The following EPHA6 variants were observed in gnomAD, a reference collection of about 807,000 sequenced individuals.
EPHA6 encodes the protein ephrin type-A receptor 6.
In EPHA6, 50 loss-of-function variants were observed where a neutral mutation model predicts 112.0. That is an observed-to-expected ratio of 0.45 (90% CI 0.36 to 0.56). The LOEUF is 0.56. Among genes scored for constraint, EPHA6 ranks in the 20% least tolerant of loss-of-function variants. The probability of loss-of-function intolerance (pLI) is 0.00; values close to 1 mark genes in which losing one functional copy is unlikely to be tolerated. For missense variants in EPHA6, 1,280 were observed against 1,417.4 expected (o/e 0.90, Z 1.56); for synonymous variants, 529 against 490.7 (o/e 1.08, Z -1.03).
intron 6 of EPHA6, among the ~76,000 whole-genome samples, chr3:97,440,551 T>C (rs907487515): frequency 2.0e-5 from 3 of 150,844 alleles, no homozygotes; most frequent in Non-Finnish European, 3.0e-5. Flanking sequence ...TCAGAGAAAT[T>C]AAAAAAAACC....
intron 3 of EPHA6, among the ~76,000 whole-genome samples, chr3:97,112,632 C>G (rs2047757564): frequency 2.7e-5 from 4 of 149,654 alleles, no homozygotes; most frequent in African/African-American, 9.8e-5. Flanking sequence ...TGAAATGATA[C>G]ACTATGAGTG....
At chr3:97,307,646 GAGT>G in intron 5 of EPHA6, among the ~76,000 whole-genome samples, 1 of 149,452 alleles carries the variant, frequency 6.7e-6, no homozygotes, top group Non-Finnish European at 1.5e-5. Flanking sequence ...TCTACTCTTA[GAGT>G]CAGATTTATG....
At chr3:97,184,200 C>G (rs753248950) in intron 3 of EPHA6, among the ~76,000 whole-genome samples, 2 of 152,034 alleles carry the variant, frequency 1.3e-5, no homozygotes, top group South Asian at 2.1e-4. Flanking sequence ...GCAATGACAA[C>G]TAATACAAGG....
intron 7 of EPHA6, among the ~76,000 whole-genome samples, chr3:97,457,529 A>G (rs373136157): frequency 6.6e-6 from 1 of 152,192 alleles, no homozygotes. Flanking sequence ...AAATATATGA[A>G]TATTAAATAT....
At chr3:97,725,781 A>C (rs2034738834) in intron 15 of EPHA6, among the ~76,000 whole-genome samples, 1 of 152,056 alleles carries the variant, frequency 6.6e-6, no homozygotes, top group Non-Finnish European at 1.5e-5. Flanking sequence ...GACAACCAAA[A>C]ATATCCCAGA....
chr3:97,567,072 T>C (rs1283189280), intron 11 of EPHA6, among the ~76,000 whole-genome samples: 1 of 152,196 alleles, frequency 6.6e-6, no homozygotes, highest in Non-Finnish European at 1.5e-5. Flanking sequence ...AGATGTCTAG[T>C]ATTTTCGGTT....
intron 5 of EPHA6, among the ~76,000 whole-genome samples, chr3:97,287,007 A>T (rs1372537122): frequency 6.6e-6 from 1 of 152,034 alleles, no homozygotes; most frequent in Admixed American, 6.6e-5. Context: ...CTGTTAAAAA[A>T]AAAAAAGGAT....
At position 96,851,232 on chromosome 3, in the gene EPHA6, T is replaced by C. The variant is rs2035365284; in HGVS notation, c.386-15593T>C. On this transcript the variant is annotated intron_variant, in intron 1 of 17. Coordinates refer to ENST00000389672, the MANE Select transcript of EPHA6 (RefSeq NM_001080448.3). ...CTATTCCTCATCTTTAAAAGAAGGT[T>C]ATTTTATATTATTCAGAAAGTAACA... 1.3e-5 allele frequency among the ~76,000 whole-genome samples: 2 copies of C among 152,158 alleles called. 1 individual carries two copies. Among genetic ancestry groups the C allele is most frequent in the South Asian group, 4.1e-4 (2 of 4,832 alleles).
chr3:97,642,976 A>G (rs1229387260), intron 14 of EPHA6, among the ~76,000 whole-genome samples: 3 of 150,842 alleles, frequency 2.0e-5, no homozygotes, highest in African/African-American at 7.3e-5. Flanking sequence ...AGCAACCCCA[A>G]GACACATAAT....
At chr3:97,581,126 AC>A (rs771417329) in intron 11 of EPHA6, among the ~76,000 whole-genome samples, 7 of 152,186 alleles carry the variant, frequency 4.6e-5, no homozygotes, top group Admixed American at 6.5e-5. Context: ...TCTCTTAAAT[AC>A]ATAAATGAGA....
chr3:97,424,374 A>G (rs2088925418), intron 6 of EPHA6, among the ~76,000 whole-genome samples: 1 of 152,162 alleles, frequency 6.6e-6, no homozygotes, highest in Non-Finnish European at 1.5e-5. Context: ...TCCACACATA[A>G]CAAAATCAAT....
At chr3:97,534,287 C>A (rs529344260) in intron 11 of EPHA6, among the ~76,000 whole-genome samples, 1 of 151,960 alleles carries the variant, frequency 6.6e-6, no homozygotes, top group Non-Finnish European at 1.5e-5. Flanking sequence ...TATACGTATA[C>A]GTTACCATTT....
chr3:97,401,373 T>C (rs955449550), intron 5 of EPHA6, among the ~76,000 whole-genome samples: 1 of 151,814 alleles, frequency 6.6e-6, no homozygotes, highest in African/African-American at 2.4e-5. Context: ...ATGGGTCTGT[T>C]CATATTTTCT....
intron 14 of EPHA6, among the ~76,000 whole-genome samples, chr3:97,698,265 C>T (rs967667479): frequency 2.6e-5 from 4 of 152,168 alleles, no homozygotes; most frequent in African/African-American, 9.7e-5. Flanking sequence ...TCCCAAAGTG[C>T]TGGGATTACA....
intron 3 of EPHA6, among the ~76,000 whole-genome samples, chr3:97,037,767 C>A (rs1410196933): frequency 6.6e-6 from 1 of 151,912 alleles, no homozygotes; most frequent in Non-Finnish European, 1.5e-5. Flanking sequence ...CAGTGACATA[C>A]AAGAGGATAT....
At chr3:97,678,669 T>A (rs1017100393) in intron 14 of EPHA6, among the ~76,000 whole-genome samples, 1 of 152,198 alleles carries the variant, frequency 6.6e-6, no homozygotes, top group Non-Finnish European at 1.5e-5. Flanking sequence ...TAAAGTCTTC[T>A]GTATGATTGT....
At chr3:97,718,611 A>G (rs1292050289) in intron 14 of EPHA6, among the ~76,000 whole-genome samples, 1 of 152,132 alleles carries the variant, frequency 6.6e-6, no homozygotes, top group East Asian at 1.9e-4. Flanking sequence ...TGGCTACCCT[A>G]CTTTGGGTTC....
intron 5 of EPHA6, among the ~76,000 whole-genome samples, chr3:97,270,965 A>G (rs1237173133): frequency 1.3e-5 from 2 of 152,340 alleles, no homozygotes; most frequent in East Asian, 3.9e-4. Flanking sequence ...TTGCCTAACT[A>G]TAGGGGCCAT....
intron 2 of EPHA6, among the ~76,000 whole-genome samples, chr3:96,975,290 C>A (rs1409738419): frequency 1.3e-5 from 2 of 152,006 alleles, no homozygotes; most frequent in Non-Finnish European, 2.9e-5. Context: ...CCAGGCCCAG[C>A]CCTTTGCTAT....
Sources: gnomAD v4.1 joint callset for allele counts (sites outside exome capture counted in the v4.1 genomes callset) on GRCh38, gnomAD v4.1.1 for gene constraint, MANE v1.5 for transcripts, NCBI Gene and HGNC (gene_info 2026-07-23, HGNC 2026-07-21) for gene names.